CTNNA2: variants seen among roughly 807,000 people sequenced by gnomAD.
CTNNA2 encodes the protein catenin alpha 2.
CTNNA2 carries 42 observed loss-of-function variants against 101.0 expected under a neutral mutation model. The observed-to-expected ratio is 0.42, with a 90% CI of 0.32 to 0.54. CTNNA2 has a LOEUF of 0.54. Among genes scored for constraint, CTNNA2 ranks in the 20% least tolerant of loss-of-function variants. The pLI is 0.14. For missense variants in CTNNA2, 871 were observed against 1,223.1 expected (o/e 0.71, Z 4.29); for synonymous variants, 450 against 456.4 (o/e 0.99, Z 0.18).
At chr2:80,415,738 T>C (rs1347083810) in intron 8 of CTNNA2, among the ~76,000 whole-genome samples, 1 of 152,134 alleles carries the variant, frequency 6.6e-6, no homozygotes, top group Non-Finnish European at 1.5e-5. Context: ...CCTATGTTTA[T>C]TGCAGCATTA....
intron 2 of CTNNA2, among the ~76,000 whole-genome samples, chr2:79,287,100 G>A (rs1377236350): frequency 6.6e-6 from 1 of 152,124 alleles, no homozygotes; most frequent in East Asian, 1.9e-4. Context: ...TTGGTTTTCA[G>A]CTCCATCAGC....
intron 7 of CTNNA2, chr2:80,313,715 C>A: frequency 7.9e-7 from 1 of 1,263,842 alleles, no homozygotes. Flanking sequence ...GAAAGACTTT[C>A]AACTAGAAAT....
intron 1 of CTNNA2, among the ~76,000 whole-genome samples, chr2:79,603,354 A>T (rs1468636560): frequency 6.6e-6 from 1 of 152,210 alleles, no homozygotes; most frequent in Non-Finnish European, 1.5e-5. Flanking sequence ...CGTTCATAAA[A>T]CATACAAACT....
intron 1 of CTNNA2, among the ~76,000 whole-genome samples, chr2:79,622,792 A>C (rs896104728): frequency 6.6e-6 from 1 of 152,198 alleles, no homozygotes; most frequent in Non-Finnish European, 1.5e-5. Flanking sequence ...AGGATGGAGT[A>C]AAGTTGAGAG....
chr2:80,573,520 A>T lies in CTNNA2; in HGVS notation c.1742-643A>T, dbSNP rs558269638. On this transcript the variant is annotated intron_variant, in intron 12 of 18. Transcript: ENST00000402739. Reference sequence around the variant, plus strand: ...CTTTTCTATTACACACTCCTTCCCCATCTTCCCTTGCTCCACCCTCCCCTC... The same window carrying T: ...CTTTTCTATTACACACTCCTTCCCCTTCTTCCCTTGCTCCACCCTCCCCTC... 2.0e-5 allele frequency among the ~76,000 whole-genome samples: 3 copies of T among 151,830 alleles called. No homozygotes were observed. The South Asian group carries it at 6.3e-4, about 32-fold the overall frequency.
chr2:80,143,719 G>T (rs1703156777), intron 7 of CTNNA2, among the ~76,000 whole-genome samples: 1 of 152,156 alleles, frequency 6.6e-6, no homozygotes, highest in South Asian at 2.1e-4. Context: ...AGCTAAAGCA[G>T]CCCTAAGTGT....
intron 7 of CTNNA2, among the ~76,000 whole-genome samples, chr2:80,100,289 A>G (rs1031444637): frequency 6.6e-6 from 1 of 152,174 alleles, no homozygotes; most frequent in Non-Finnish European, 1.5e-5. Context: ...TGCAGACACT[A>G]TAGGTAATAC....
At chr2:79,641,613 A>G (rs1430634131) in intron 1 of CTNNA2, among the ~76,000 whole-genome samples, 1 of 152,192 alleles carries the variant, frequency 6.6e-6, no homozygotes, top group Non-Finnish European at 1.5e-5. Flanking sequence ...CTGGTGGGAC[A>G]CTGGACACCT....
chr2:80,218,708 G>A (rs972079273), intron 7 of CTNNA2, among the ~76,000 whole-genome samples: 2 of 152,168 alleles, frequency 1.3e-5, no homozygotes, highest in African/African-American at 2.4e-5. Context: ...CCTTAGCCCA[G>A]TGCCTGCTAC....
chr2:80,076,655 T>C (rs1698776141), intron 7 of CTNNA2, among the ~76,000 whole-genome samples: 1 of 152,096 alleles, frequency 6.6e-6, no homozygotes, highest in Non-Finnish European at 1.5e-5. Context: ...CACTCATTAC[T>C]TCTGACTTGG....
At chr2:80,510,812 T>TAAGTTCCCATTAGCTCCTCTTTCAG (rs1165441814) in intron 9 of CTNNA2, among the ~76,000 whole-genome samples, 1 of 152,212 alleles carries the variant, frequency 6.6e-6, no homozygotes, top group Non-Finnish European at 1.5e-5. Flanking sequence ...TGGAATAGAC[T>TAAGTTCCCATTAGCTCCTCTTTCAG]GACTTCTGCT....
At chr2:80,271,273 G>A (rs1228549448) in intron 7 of CTNNA2, among the ~76,000 whole-genome samples, 4 of 152,164 alleles carry the variant, frequency 2.6e-5, no homozygotes, top group Admixed American at 6.5e-5. Context: ...ATATTAGGTT[G>A]GGGTATGTAT....
At chr2:79,860,928 G>C (rs987898732) in intron 4 of CTNNA2, among the ~76,000 whole-genome samples, 1 of 152,182 alleles carries the variant, frequency 6.6e-6, no homozygotes, top group East Asian at 1.9e-4. Flanking sequence ...GTAACGTATT[G>C]TCTGCAAGCT....
In CTNNA2 at chr2:80,221,177, C is replaced by T. The variant is rs958140740; in HGVS notation, c.1057-172034C>T. Among the ~76,000 whole-genome samples, 8 of 152,316 alleles carry T rather than the reference C, an allele frequency of 5.3e-5. No homozygotes were observed. The South Asian group carries it at 6.2e-4, about 12-fold the overall frequency. On this transcript the variant is annotated intron_variant, in intron 7 of 18. Transcript: ENST00000402739. ...GGATTACAGGCGTGAGCCACCTTGC[C>T]CAGCCCTTCCCGTTTTTATTAAAGA...
intron 12 of CTNNA2, among the ~76,000 whole-genome samples, chr2:80,567,034 TA>T (rs1694123673): frequency 6.6e-6 from 1 of 152,064 alleles, no homozygotes; most frequent in Non-Finnish European, 1.5e-5. Context: ...TCGTACCTCC[TA>T]GGGAAGGCAC....
chr2:79,479,999 C>T (rs886553587), intron 4 of CTNNA2, among the ~76,000 whole-genome samples: 1 of 151,914 alleles, frequency 6.6e-6, no homozygotes, highest in Non-Finnish European at 1.5e-5. Flanking sequence ...GTTTTGGAGG[C>T]AGTACAAGAA....
At chr2:80,197,704 G>T (rs1706924861) in intron 7 of CTNNA2, among the ~76,000 whole-genome samples, 1 of 152,090 alleles carries the variant, frequency 6.6e-6, no homozygotes, top group African/African-American at 2.4e-5. Flanking sequence ...TGATGTGTGT[G>T]TCAGCCTTTC....
intron 7 of CTNNA2, among the ~76,000 whole-genome samples, chr2:80,106,053 G>A (rs115617566): frequency 0.022 from 3,358 of 152,274 alleles, 50 homozygotes; most frequent in Middle Eastern, 0.041. Flanking sequence ...GGAGGATACC[G>A]GGGATAGGTC....
intron 2 of CTNNA2, among the ~76,000 whole-genome samples, chr2:79,236,242 C>T (rs1022476840): frequency 6.6e-6 from 1 of 152,202 alleles, no homozygotes; most frequent in Non-Finnish European, 1.5e-5. Flanking sequence ...AAGCAATCTT[C>T]CCCGCTCAGC....
Sources: allele counts gnomAD v4.1 joint callset (sites outside exome capture counted in the v4.1 genomes callset), GRCh38; gene constraint gnomAD v4.1.1; transcripts MANE v1.5; gene names NCBI Gene and HGNC (gene_info 2026-07-23, HGNC 2026-07-21).